RAP1A: variants seen among roughly 807,000 people sequenced by gnomAD.
RAP1A encodes RAP1A, member of RAS oncogene family, also known as ras-related protein Rap-1A.
A neutral mutation model predicts 26.4 loss-of-function variants in RAP1A; 6 were observed. The ratio of observed to expected loss-of-function variants is 0.23; its 90% CI spans 0.12 to 0.45. The LOEUF is 0.45. Ranked by LOEUF, RAP1A falls within the 20% of genes least tolerant of loss-of-function variation. RAP1A has a pLI of 0.99. For synonymous variants in RAP1A, 73 were observed against 79.4 expected (o/e 0.92, Z 0.43); for missense variants, 121 against 217.2 (o/e 0.56, Z 2.78).
At chr1:111,700,715 T>C in intron 4 of RAP1A, among the ~76,000 whole-genome samples, 1 of 152,212 alleles carries the variant, frequency 6.6e-6, no homozygotes, top group Non-Finnish European at 1.5e-5. Flanking sequence ...ACTGAACTCC[T>C]GATAACCTTT....
intron 1 of RAP1A, among the ~76,000 whole-genome samples, chr1:111,684,828 G>A (rs1377825127): frequency 6.6e-6 from 1 of 151,984 alleles, no homozygotes; most frequent in African/African-American, 2.4e-5. Flanking sequence ...TAGCCAAGAT[G>A]GTGCTAAGCA....
intron 1 of RAP1A, among the ~76,000 whole-genome samples, chr1:111,667,682 CAAAA>C (rs58742031): frequency 8.5e-6 from 1 of 117,890 alleles, no homozygotes; most frequent in Non-Finnish European, 1.8e-5. Context: ...GACTCCGTCT[CAAAA>C]AAAAAAAAAA....
intron 4 of RAP1A, among the ~76,000 whole-genome samples, chr1:111,701,584 A>G (rs1203574271): frequency 6.6e-6 from 1 of 152,146 alleles, no homozygotes; most frequent in Non-Finnish European, 1.5e-5. Flanking sequence ...GTCAGTGGAT[A>G]TTTGTTGTGA....
chr1:111,704,089 C>T (rs1463704879), intron 5 of RAP1A, among the ~76,000 whole-genome samples: 1 of 151,994 alleles, frequency 6.6e-6, no homozygotes, highest in Admixed American at 6.6e-5. Context: ...AACCATTGTG[C>T]CTGGCCAGGA....
At chr1:111,646,436 AAAAC>A (rs1365684946) in intron 1 of RAP1A, among the ~76,000 whole-genome samples, 6,385 of 105,328 alleles carry the variant, frequency 0.061, 293 homozygotes, top group African/African-American at 0.17. Flanking sequence ...AAAAAAAAAC[AAAAC>A]AAAACCTCAA....
chr1:111,681,926 A>C (rs1469825205), intron 1 of RAP1A, among the ~76,000 whole-genome samples: 1 of 152,194 alleles, frequency 6.6e-6, no homozygotes, highest in African/African-American at 2.4e-5. Flanking sequence ...GAAGGAAAAA[A>C]CGTTAAGGCC....
At chr1:111,645,594 C>A (rs1660040123) in intron 1 of RAP1A, among the ~76,000 whole-genome samples, 1 of 152,236 alleles carries the variant, frequency 6.6e-6, no homozygotes, top group African/African-American at 2.4e-5. Context: ...TGAGCAAAGA[C>A]TAACTCAAAG....
chr1:111,559,279 A>C (rs1370699940), intron 1 of RAP1A, among the ~76,000 whole-genome samples: 1 of 152,182 alleles, frequency 6.6e-6, no homozygotes, highest in African/African-American at 2.4e-5. Flanking sequence ...AATTAGGACT[A>C]AAGCAATTAA....
chr1:111,703,459 G>A lies in RAP1A; in HGVS notation c.307G>A (p.Val103Ile). The A allele has an allele frequency of 6.3e-7, 1 of 1,598,130 alleles. No homozygotes were observed. Among genetic ancestry groups the A allele is most frequent in the Non-Finnish European group, 8.5e-7 (1 of 1,173,346 alleles). The change falls in exon 5 of 8, where the codon GTT becomes ATT. Residue 103 changes from valine to isoleucine, a missense_variant. By Grantham distance (29) the Val-to-Ile change is conservative (BLOSUM62 3). Transcript: ENST00000369709. Reference sequence around the variant, plus strand: ...GGACCTGAGGGAACAGATTTTACGGGTTAAGGACACGGAAGATGTAAGTAT... The same window carrying A: ...GGACCTGAGGGAACAGATTTTACGGATTAAGGACACGGAAGATGTAAGTAT... ...LQDLREQILR[V>I]KDTEDVPMIL... is the part of the protein sequence containing the mutation.
intron 1 of RAP1A, among the ~76,000 whole-genome samples, chr1:111,579,411 A>G (rs1389576623): frequency 6.6e-6 from 1 of 152,218 alleles, no homozygotes; most frequent in Non-Finnish European, 1.5e-5. Flanking sequence ...GATATTTTAC[A>G]TCATATCACA....
At chr1:111,711,679 T>C (rs553301389) in intron 7 of RAP1A, among the ~76,000 whole-genome samples, 4 of 152,366 alleles carry the variant, frequency 2.6e-5, no homozygotes, top group African/African-American at 7.2e-5. Context: ...TCCTGTACTT[T>C]TAAAAGTACT....
chr1:111,691,489 C>G, intron 2 of RAP1A, 72 bp downstream of exon 2: 1 of 1,351,354 alleles, frequency 7.4e-7, no homozygotes. Flanking sequence ...TGCTTTCAGA[C>G]TTCTAGATGC....
At chr1:111,561,511 G>GC (rs1657735441) in intron 1 of RAP1A, among the ~76,000 whole-genome samples, 1 of 152,140 alleles carries the variant, frequency 6.6e-6, no homozygotes, top group African/African-American at 2.4e-5. Flanking sequence ...ATGTATTGGG[G>GC]GAAGGAGGGA....
intron 6 of RAP1A, among the ~76,000 whole-genome samples, chr1:111,706,393 G>T (rs906694915): frequency 6.6e-6 from 1 of 151,658 alleles, no homozygotes; most frequent in South Asian, 2.1e-4. Flanking sequence ...TCACCTCTTG[G>T]CCTTAAATTT....
intron 1 of RAP1A, among the ~76,000 whole-genome samples, chr1:111,665,541 G>A (rs1036219438): frequency 1.3e-5 from 2 of 152,118 alleles, no homozygotes; most frequent in Admixed American, 6.5e-5. Context: ...TTTTTTGTTT[G>A]TCTGCAATGA....
At chr1:111,639,077 G>A (rs1659812908) in intron 1 of RAP1A, among the ~76,000 whole-genome samples, 1 of 61,530 alleles carries the variant, frequency 1.6e-5, no homozygotes, top group Non-Finnish European at 3.1e-5. Context: ...TTGGTTTATT[G>A]ATTGAAGTAT....
Position 111,695,326 on chromosome 1 carries a change from T to C in RAP1A, c.58-15T>C. ...TCCTTTAATTTTTTAATATTTCTCT[T>C]TTTTTTTCCCCCAGACAGTTCAGTT... On this transcript the variant is annotated splice_polypyrimidine_tract_variant and intron_variant, in intron 2 of 7. Transcript: ENST00000369709. 1.9e-6 allele frequency: 3 copies of C among 1,541,114 alleles called. No individual in the cohort carries two copies. The highest frequency in any genetic ancestry group is 2.6e-6 in the Non-Finnish European group (3 of 1,147,406).
intron 1 of RAP1A, among the ~76,000 whole-genome samples, chr1:111,568,596 A>G (rs1657975362): frequency 6.6e-6 from 1 of 152,214 alleles, no homozygotes; most frequent in Non-Finnish European, 1.5e-5. Context: ...CAGCTAGCTA[A>G]TGATTCTTTG....
rs538352622 is a variant in RAP1A, at chr1:111,570,859, G to A, written c.-28+28350G>A. On this transcript the variant is annotated intron_variant, in intron 1 of 7. Coordinates refer to the RAP1A transcript ENST00000356415. ...AGCCATTCATGAGGGAGCCACCTCCGTGACTCAAACAACTCCCACCAAGCG... is the reference window on the plus strand; with the variant it reads ...AGCCATTCATGAGGGAGCCACCTCCATGACTCAAACAACTCCCACCAAGCG... Among the ~76,000 whole-genome samples, 17 of 152,312 alleles carry A rather than the reference G, an allele frequency of 1.1e-4. 1 individual carries two copies. The South Asian group carries it at 2.9e-3, about 26-fold the overall frequency.
Sources: gnomAD v4.1 joint callset for allele counts (sites outside exome capture counted in the v4.1 genomes callset) on GRCh38, gnomAD v4.1.1 for gene constraint, MANE v1.5 for transcripts, NCBI Gene and HGNC (gene_info 2026-07-23, HGNC 2026-07-21) for gene names.